Variants in GNB1 observed in about 807,000 individuals in gnomAD.
GNB1 encodes the protein guanine nucleotide-binding protein G(I)/G(S)/G(T) subunit beta-1.
GNB1 carries 2 observed loss-of-function variants against 42.9 expected under a neutral mutation model. The observed-to-expected ratio is 0.05, with a 90% CI of 0.02 to 0.15. The LOEUF (loss-of-function observed/expected upper bound fraction) is 0.15, where lower values mean the gene tolerates loss of function less well. Ranked by LOEUF, GNB1 falls within the 10% of genes least tolerant of loss-of-function variation. The pLI is 1.00. For synonymous variants in GNB1, 183 were observed against 174.7 expected (o/e 1.05, Z -0.38); for missense variants, 193 against 462.2 (o/e 0.42, Z 5.34).
At chr1:1,842,495 A>T (rs1256213544) in intron 1 of GNB1, among the ~76,000 whole-genome samples, 1 of 152,116 alleles carries the variant, frequency 6.6e-6, no homozygotes, top group African/African-American at 2.4e-5. Flanking sequence ...AAACCTCACA[A>T]ATATGCTAAG....
chr1:1,847,241 G>C (rs1570708412), intron 1 of GNB1, among the ~76,000 whole-genome samples: 1 of 151,974 alleles, frequency 6.6e-6, no homozygotes, highest in South Asian at 2.1e-4. Context: ...AGCCTTGAAG[G>C]GGAAGAGATA....
chr1:1,806,989 A>AAAGGAAAGGAAGGCTCTAAATGTCAGACC (rs1646703877), intron 5 of GNB1, among the ~76,000 whole-genome samples: 1 of 151,836 alleles, frequency 6.6e-6, no homozygotes, highest in Non-Finnish European at 1.5e-5. Flanking sequence ...AGAAAGAAAG[A>AAAGGAAAGGAAGGCTCTAAATGTCAGACC]AAGGAAAGGA....
intron 3 of GNB1, among the ~76,000 whole-genome samples, chr1:1,820,278 A>AT: frequency 6.7e-6 from 1 of 149,458 alleles, no homozygotes; most frequent in Non-Finnish European, 1.5e-5. Flanking sequence ...GAATCGCTTG[A>AT]ACCTGGGAGG....
chr1:1,823,653 T>C (rs1274306994), intron 3 of GNB1, among the ~76,000 whole-genome samples: 1 of 152,216 alleles, frequency 6.6e-6, no homozygotes, highest in African/African-American at 2.4e-5. Context: ...TTTAAAATTC[T>C]TACAGTAGAG....
At chr1:1,838,926 T>G (rs1647186373) in intron 2 of GNB1, among the ~76,000 whole-genome samples, 1 of 152,256 alleles carries the variant, frequency 6.6e-6, no homozygotes, top group African/African-American at 2.4e-5. Flanking sequence ...GAAAACCAAC[T>G]TTGGCTTAAA....
Position 1,806,461 on chromosome 1 carries a change from C to T in GNB1, c.267+14G>A, listed in dbSNP as rs17363334. ...GGGTTGGTTTTTCAAGGAAGGGAAT[C>T]CTCCAGTCCCTACCTTGTTGGTGGT... On this transcript the variant is annotated intron_variant, in intron 6 of 11. Coordinates refer to ENST00000378609, the MANE Select transcript of GNB1 (RefSeq NM_002074.5). 139,433 of 1,545,128 alleles carry T rather than the reference C, an allele frequency of 0.09. 7,189 individuals are homozygous for T. The highest frequency in any genetic ancestry group is 0.1 in the Non-Finnish European group (116,972 of 1,117,688).
chr1:1,857,470 C>T (rs886796663), intron 1 of GNB1, among the ~76,000 whole-genome samples: 1 of 152,154 alleles, frequency 6.6e-6, no homozygotes, highest in Non-Finnish European at 1.5e-5. Flanking sequence ...CCAGAGTCTC[C>T]TCTGCACCAA....
intron 3 of GNB1, among the ~76,000 whole-genome samples, chr1:1,823,619 T>C (rs1288227648): frequency 6.6e-6 from 1 of 152,212 alleles, no homozygotes; most frequent in Non-Finnish European, 1.5e-5. Flanking sequence ...TATTCACCTA[T>C]GTAAGATCTT....
intron 1 of GNB1, among the ~76,000 whole-genome samples, chr1:1,844,282 T>C (rs1310986658): frequency 4.0e-5 from 6 of 151,784 alleles, no homozygotes; most frequent in South Asian, 2.1e-4. Context: ...TCCCAGCTAC[T>C]TGAGAGGCTG....
chr1:1,814,253 G>GA (rs1646820073), intron 5 of GNB1, among the ~76,000 whole-genome samples: 1 of 152,118 alleles, frequency 6.6e-6, no homozygotes, highest in Non-Finnish European at 1.5e-5. Flanking sequence ...CACGAACAAA[G>GA]AAAAAGCCTA....
chr1:1,822,473 T>A (rs200137087), intron 3 of GNB1, among the ~76,000 whole-genome samples: 2 of 151,766 alleles, frequency 1.3e-5, no homozygotes, highest in East Asian at 3.9e-4. Context: ...ACCTGGCTAA[T>A]TTTTTTTGTA....
intron 7 of GNB1, 59 bp downstream of exon 7, chr1:1,804,360 A>G (rs778200681): frequency 2.6e-6 from 3 of 1,140,776 alleles, no homozygotes; most frequent in Non-Finnish European, 4.0e-6. Context: ...TCCAAAGCAT[A>G]TAATGTACCC....
chr1:1,883,761 G>A (rs568822067), intron 1 of GNB1, among the ~76,000 whole-genome samples: 1 of 152,286 alleles, frequency 6.6e-6, no homozygotes, highest in African/African-American at 2.4e-5. Flanking sequence ...TTTTCAGTGC[G>A]AATAAAAGTC....
chr1:1,854,466 G>C (rs1288927111), intron 1 of GNB1, among the ~76,000 whole-genome samples: 1 of 152,160 alleles, frequency 6.6e-6, no homozygotes, highest in Non-Finnish European at 1.5e-5. Flanking sequence ...ATTAAACTCT[G>C]ACAGTACAAA....
At chr1:1,873,070 C>A (rs1478789030) in intron 1 of GNB1, among the ~76,000 whole-genome samples, 2 of 144,652 alleles carry the variant, frequency 1.4e-5, no homozygotes, top group Non-Finnish European at 3.0e-5. Flanking sequence ...TTTTTTTTTT[C>A]TTCATTTTCG....
intron 1 of GNB1, among the ~76,000 whole-genome samples, chr1:1,885,759 C>G (rs1427046754): frequency 6.7e-6 from 1 of 150,328 alleles, no homozygotes; most frequent in Non-Finnish European, 1.5e-5. Flanking sequence ...GGGGTTTCAC[C>G]GTGTTAGCCA....
chr1:1,825,436 C>T lies in GNB1; in HGVS notation c.18G>A (p.Gln6=). MSELD[Q]LRQEAEQLKN... ...TAAGTTGCTCGGCCTCCTGCCGTAA[C>T]TGGTCAAGCTCACTCATCTTCCGAT... The change falls in exon 3 of 12, where the codon CAG becomes CAA. Residue 6 remains glutamine (Q), a synonymous_variant. Coordinates refer to ENST00000378609, the MANE Select transcript of GNB1 (RefSeq NM_002074.5). The T allele has an allele frequency of 1.2e-6, 2 of 1,612,662 alleles. No homozygotes were observed. Among genetic ancestry groups the T allele is most frequent in the Non-Finnish European group, 1.7e-6 (2 of 1,178,602 alleles).
At position 1,789,113 on chromosome 1, in the gene GNB1, G is replaced by A; in HGVS notation, c.856C>T (p.Leu286Phe). 1 of 1,614,218 alleles carries A rather than the reference G, an allele frequency of 6.2e-7. No individual in the cohort carries two copies. The highest frequency in any genetic ancestry group is 8.5e-7 in the Non-Finnish European group (1 of 1,180,028). The change falls in exon 10 of 12, where the codon CTT becomes TTT. Residue 286 changes from leucine (L) to phenylalanine (F), a missense_variant. Leu to Phe is a conservative substitution (Grantham distance 22). This residue lies in a region of GNB1 where 150 missense variants were observed against 410.8 expected (regional missense o/e 0.37). Coordinates refer to ENST00000378609, the MANE Select transcript of GNB1 (RefSeq NM_002074.5). ...CAGTTGAAGTCGTCGTACCCAGCAA[G>A]GAGGAGGCGCCCGCTCTTGGAGAAG... ...VSFSKSGRLL[L>F]AGYDDFNCNV...
intron 5 of GNB1, among the ~76,000 whole-genome samples, chr1:1,815,240 A>C (rs1202183131): frequency 2.0e-5 from 3 of 152,210 alleles, no homozygotes; most frequent in Non-Finnish European, 4.4e-5. Flanking sequence ...AGAGCAGCTC[A>C]CAGCGCATTC....
Sources: allele counts gnomAD v4.1 joint callset (sites outside exome capture counted in the v4.1 genomes callset), GRCh38; gene constraint gnomAD v4.1.1; regional missense constraint gnomAD v4.1.1; transcripts MANE v1.5; gene names NCBI Gene and HGNC (gene_info 2026-07-23, HGNC 2026-07-21).